Variants in HMCN1 observed in about 807,000 individuals in gnomAD.
The protein encoded by HMCN1 is hemicentin 1, also known as hemicentin-1.
Under a neutral mutation model 625.9 loss-of-function variants are expected in HMCN1, and 321 were observed. The observed-to-expected ratio is 0.51, with a 90% CI of 0.47 to 0.56. The LOEUF is 0.56. Among genes scored for constraint, HMCN1 ranks in the 20% least tolerant of loss-of-function variants. HMCN1 has a pLI of 0.00. For synonymous variants in HMCN1, 2,425 were observed against 2,417.6 expected (o/e 1.00, Z -0.09); for missense variants, 6,588 against 6,887.3 (o/e 0.96, Z 1.54).
rs772534940 is a variant in HMCN1 at position 186,045,785 on chromosome 1, T to C, written c.6402T>C (p.Thr2134=). 6.8e-6 allele frequency: 11 copies of C among 1,612,788 alleles called. No homozygotes were observed. The South Asian group carries it at 9.9e-5, about 14-fold the overall frequency. Reference sequence around the variant, plus strand: ...AAAGTGATGCTATTCCCCCACCTACTCTTACTTGGTTAAAAGACGGCCACC... The same window carrying C: ...AAAGTGATGCTATTCCCCCACCTACCCTTACTTGGTTAAAAGACGGCCACC... The part of the protein sequence containing the change: ...LCQSDAIPPP[T]LTWLKDGHPL... Residue 2134 remains threonine, a synonymous_variant, in exon 41 of 107, where the codon ACT becomes ACC. Transcript: ENST00000271588.
chr1:185,872,715 G>A (rs762446463), intron 4 of HMCN1, among the ~76,000 whole-genome samples: 1 of 152,158 alleles, frequency 6.6e-6, no homozygotes, highest in Non-Finnish European at 1.5e-5. Flanking sequence ...CCTGCAAAAT[G>A]AGAGTGCCTG....
intron 89 of HMCN1, among the ~76,000 whole-genome samples, chr1:186,143,602 A>C (rs1400086635): frequency 1.3e-5 from 2 of 152,236 alleles, no homozygotes; most frequent in African/African-American, 4.8e-5. Flanking sequence ...TCATGAACAC[A>C]TGTAATGGAA....
chr1:185,809,061 T>C (rs1437435339), intron 1 of HMCN1, among the ~76,000 whole-genome samples: 1 of 152,178 alleles, frequency 6.6e-6, no homozygotes, highest in Non-Finnish European at 1.5e-5. Context: ...TACCTAATGA[T>C]AGTATTCGGT....
chr1:185,779,820 G>A (rs2102169555), intron 1 of HMCN1, among the ~76,000 whole-genome samples: 1 of 152,248 alleles, frequency 6.6e-6, no homozygotes. Flanking sequence ...GGATTGTCTT[G>A]GCAATGCAGG....
intron 46 of HMCN1, among the ~76,000 whole-genome samples, chr1:186,061,068 T>C (rs1657657832): frequency 6.6e-6 from 1 of 152,112 alleles, no homozygotes; most frequent in Non-Finnish European, 1.5e-5. Context: ...CTGCTCTGCT[T>C]TTGATACCAC....
Position 186,145,917 on chromosome 1 carries a change from T to A in HMCN1, c.14602T>A (p.Cys4868Ser). 1.9e-6 allele frequency: 3 copies of A among 1,613,800 alleles called. No homozygotes were observed. Among genetic ancestry groups the A allele is most frequent in the Non-Finnish European group, 2.5e-6 (3 of 1,179,964 alleles). ...GGTGACCAGGTGCAATGTACAAGCATGTCCAGGTAAGCAACTAAATTGGAC... is the reference window on the plus strand; with the variant it reads ...GGTGACCAGGTGCAATGTACAAGCAAGTCCAGGTAAGCAACTAAATTGGAC... ...TQVTRCNVQA[C>S]PGGPQRARGS... is the part of the protein sequence containing the mutation. Residue 4868 changes from cysteine (C) to serine (S), a missense_variant, in exon 93 of 107, where the codon TGT (cysteine) becomes AGT (serine). Around this residue, in one of 3 missense-constraint regions of HMCN1, gnomAD observed 1,954 missense variants for 2,013.1 expected, o/e 0.97. Coordinates refer to ENST00000271588, the MANE Select transcript of HMCN1 (RefSeq NM_031935.3).
In HMCN1 at chr1:185,857,465, TTG is replaced by T. The variant is rs34112345; in HGVS notation, c.340-6982_340-6981del. ...AGTTCATCTCCATTATACCTTTCAT[TTG>T]TGTGTGTGTGTGTGTGTGTGTGCAT... On this transcript the variant is annotated intron_variant, in intron 2 of 106. Transcript: ENST00000271588. 2.4e-3 allele frequency among the ~76,000 whole-genome samples: 360 copies of T among 148,690 alleles called. 2 individuals are homozygous for T. The highest frequency in any genetic ancestry group is 0.019 in the East Asian group (98 of 5,074).
rs919208874 is a variant in HMCN1 at position 186,045,812 on chromosome 1, C to G, written c.6429C>G (p.Pro2143=). The G allele has an allele frequency of 6.2e-7, 1 of 1,612,828 alleles. No homozygotes were observed. The highest frequency in any genetic ancestry group is 1.3e-5 in the African/African-American group (1 of 74,868). ...PTLTWLKDGH[P]LLKKPGLSIS... is the part of the protein sequence containing the mutation. ...TTACTTGGTTAAAAGACGGCCACCC[C>G]TTGCTGAAGAAACCAGGCCTCAGTA... Residue 2143 remains proline, a synonymous_variant, in exon 41 of 107, where the codon CCC becomes CCG. Transcript: ENST00000271588.
chr1:186,014,113 G>A (rs1654186756), intron 30 of HMCN1, among the ~76,000 whole-genome samples: 2 of 152,204 alleles, frequency 1.3e-5, no homozygotes, highest in Admixed American at 1.3e-4. Flanking sequence ...ACAGGTCTCA[G>A]TGATAAGTCA....
At chr1:186,018,040 T>C in intron 33 of HMCN1, 143 bp from the exon 34 acceptor site, 1 of 774,668 alleles carries the variant, frequency 1.3e-6, no homozygotes, top group East Asian at 2.7e-5. Context: ...GTTTCCTTTT[T>C]GCTTCTCTTT....
rs1251506204 is a variant in HMCN1, at chr1:185,902,401, CTATCTCTA to C, written c.622-6934_622-6927del. Among the ~76,000 whole-genome samples, 115 of 136,204 alleles carry C rather than the reference CTATCTCTA, an allele frequency of 8.4e-4. 1 individual carries two copies. Among genetic ancestry groups the C allele is most frequent in the African/African-American group, 2.1e-3 (65 of 30,344 alleles). The allele number at this position is 136,204 out of a possible 152,430, so 89.4% of individuals were successfully genotyped here. A position where few individuals can be genotyped will look rare whatever the true frequency, so the allele number is the denominator to read the frequency against. On this transcript the variant is annotated intron_variant, in intron 4 of 106. Transcript: ENST00000271588. Reference sequence around the variant, plus strand: ...TGTCTCTATCTATCTATCTATCTATCTATCTCTATCTATCTATCTATCTATCTATCTAT... The same window carrying C: ...TGTCTCTATCTATCTATCTATCTATCTCTATCTATCTATCTATCTATCTAT...
At position 185,933,839 on chromosome 1, in the gene HMCN1, T is replaced by C. The variant is rs755007500; in HGVS notation, c.1828+15T>C. ...CACAGTGCAAGGTACAGTGCTTTGG[T>C]AACTTCTGAATTATGACATCTTTCT... On this transcript the variant is annotated intron_variant, in intron 11 of 106. Transcript: ENST00000271588. The C allele has an allele frequency of 6.2e-7, 1 of 1,611,604 alleles. No homozygotes were observed.
At position 186,174,528 on chromosome 1, in the gene HMCN1, A is replaced by G; in HGVS notation, c.15829A>G (p.Lys5277Glu). 1.2e-6 allele frequency: 2 copies of G among 1,613,910 alleles called. No homozygotes were observed. The highest frequency in any genetic ancestry group is 1.7e-6 in the Non-Finnish European group (2 of 1,179,774). The part of the protein sequence containing the change: ...NGTCIDIDEC[K>E]DGTHQCRYNQ... ...CATGTCTGTAGATATTGATGAATGT[A>G]AAGATGGGACCCATCAGTGCAGATA... Residue 5277 changes from lysine (K) to glutamate (E), a missense_variant, in exon 103 of 107, where the codon AAA becomes GAA. Physicochemically the swap from Lys to Glu is moderately conservative, Grantham distance 56. This residue lies in a region of HMCN1 where 1,954 missense variants were observed against 2,013.1 expected (regional missense o/e 0.97). Transcript: ENST00000271588.
At position 186,139,137 on chromosome 1, in the gene HMCN1, T is replaced by C. The variant is rs74409249; in HGVS notation, c.13924+1165T>C. On this transcript the variant is annotated intron_variant, in intron 89 of 106. Transcript: ENST00000271588. The stretch of plus-strand genomic sequence containing the variant: ...ATTCACTACATTGGGTATTGCATCC[T>C]ATTGTGCAGATGAGGAAAGATTTAG... Among the ~76,000 whole-genome samples, 1,409 of 152,332 alleles carry C rather than the reference T, an allele frequency of 9.2e-3. 13 individuals are homozygous for C. The highest frequency in any genetic ancestry group is 0.028 in the South Asian group (135 of 4,832).
intron 11 of HMCN1, among the ~76,000 whole-genome samples, chr1:185,953,720 A>G (rs1649407362): frequency 6.6e-6 from 1 of 151,818 alleles, no homozygotes; most frequent in East Asian, 1.9e-4. Flanking sequence ...CAGGGGATTG[A>G]ACTCCCAAGG....
rs925795127 is a variant in HMCN1, at chr1:186,001,342, G to T, written c.4114G>T (p.Val1372Leu). ...KDKEQVTNVSVLLNQLTNLFC... is the reference protein window; with the variant it reads ...KDKEQVTNVSLLLNQLTNLFC... ...TAAAGAACAAGTTACAAATGTGTCG[G>T]TGTTGTTAAATCAGCTGACCAATCT... Residue 1372 changes from valine (V) to leucine (L), a missense_variant, in exon 27 of 107, where the codon GTG becomes TTG. Physicochemically the swap from Val to Leu is conservative, Grantham distance 32 (BLOSUM62 1). Transcript: ENST00000271588. 1.9e-6 allele frequency: 3 copies of T among 1,611,696 alleles called. No homozygotes were observed. In the African/African-American group the frequency reaches 4.0e-5, roughly 22 times the overall value.
At chr1:186,048,551 A>T (rs1656729135) in intron 41 of HMCN1, among the ~76,000 whole-genome samples, 192 bp from the exon 42 acceptor site, 1 of 152,122 alleles carries the variant, frequency 6.6e-6, no homozygotes, top group South Asian at 2.1e-4. Context: ...TATGGCATAG[A>T]TGAAAATGGT....
chr1:185,981,161 A>T, intron 17 of HMCN1, 88 bp downstream of exon 17: 1 of 830,326 alleles, frequency 1.2e-6, no homozygotes, highest in Non-Finnish European at 2.1e-6. Context: ...GCCACTTAAA[A>T]AAAAACAAAA....
Position 186,112,897 on chromosome 1 carries a change from G to T in HMCN1, c.11075G>T (p.Cys3692Phe). The change falls in exon 72 of 107, where the codon TGT becomes TTT. Residue 3692 changes from cysteine to phenylalanine, a missense_variant. Physicochemically the swap from Cys to Phe is radical, Grantham distance 205. This residue lies in a region of HMCN1 where 4,628 missense variants were observed against 4,853.1 expected (regional missense o/e 0.95). Transcript: ENST00000271588. Reference sequence around the variant, plus strand: ...CTAGGTGATACAGCCAATTATACCTGTGTTGCCAGCAACATTGCAGGAAAG... The same window carrying T: ...CTAGGTGATACAGCCAATTATACCTTTGTTGCCAGCAACATTGCAGGAAAG... ...ADLGDTANYT[C>F]VASNIAGKTT... 6.2e-6 allele frequency: 10 copies of T among 1,614,078 alleles called. No individual in the cohort carries two copies. The highest frequency in any genetic ancestry group is 1.3e-5 in the African/African-American group (1 of 75,036).
Sources: gnomAD v4.1 joint callset for allele counts (sites outside exome capture counted in the v4.1 genomes callset) on GRCh38, gnomAD v4.1.1 for gene constraint, gnomAD v4.1.1 regional missense constraint, MANE v1.5 for transcripts, NCBI Gene and HGNC (gene_info 2026-07-23, HGNC 2026-07-21) for gene names.